The following SETX variants were observed in gnomAD, a reference collection of about 807,000 sequenced individuals.
The protein encoded by SETX is helicase senataxin.
Under a neutral mutation model 227.2 loss-of-function variants are expected in SETX, and 90 were observed. The ratio of observed to expected loss-of-function variants is 0.40; its 90% CI spans 0.33 to 0.47. SETX has a LOEUF of 0.47. Ranked by LOEUF, SETX falls within the 20% of genes least tolerant of loss-of-function variation. The probability of loss-of-function intolerance (pLI) is 0.91; values close to 1 mark genes in which losing one functional copy is unlikely to be tolerated. For synonymous variants in SETX, 1,210 were observed against 1,113.2 expected, an observed-to-expected ratio of 1.09 and a Z score of -1.73; for missense variants, 3,052 against 3,181.5, an observed-to-expected ratio of 0.96 and a Z score of 0.98.
At chr9:132,334,435 T>C in intron 7 of SETX, among the ~76,000 whole-genome samples, 173 bp downstream of exon 7, 1 of 152,110 alleles carries the variant, frequency 6.6e-6, no homozygotes, top group Non-Finnish European at 1.5e-5. Flanking sequence ...GCAACAAGAG[T>C]ATGACTTCGT....
At chr9:132,337,421 G>T (rs1392237722) in intron 5 of SETX, among the ~76,000 whole-genome samples, 1 of 116,922 alleles carries the variant, frequency 8.6e-6, no homozygotes. Flanking sequence ...TAAATTTAGT[G>T]CTCACAACCA....
chr9:132,288,244 C>T lies in SETX; in HGVS notation c.6316G>A (p.Glu2106Lys), dbSNP rs774547328. 1 of 1,613,768 alleles carries T rather than the reference C, an allele frequency of 6.2e-7. No individual in the cohort carries two copies. Among genetic ancestry groups the T allele is most frequent in the Non-Finnish European group, 8.5e-7 (1 of 1,179,690 alleles). ...AAGAAATGCAAAGATACCTGTATTT[C>T]CCGTCCACCTCGGCATAGAGCTCGC... ...RQRALCRGGR[E>K]IQRQELDENI... Residue 2106 changes from glutamate to lysine, a missense_variant, in exon 17 of 26, where the codon GAA becomes AAA. Transcript: ENST00000224140.
In SETX at chr9:132,261,857, CTTTCT is replaced by C. The variant is rs981763580; in HGVS notation, c.*2377_*2381del. 2.6e-5 allele frequency: 4 copies of C among 154,712 alleles called. No individual in the cohort carries two copies. Among genetic ancestry groups the C allele is most frequent in the African/African-American group, 4.8e-5 (2 of 41,648 alleles). The allele number at this position is 154,712 out of a possible 1,614,324, so 9.6% of individuals were successfully genotyped here. On this transcript the variant is annotated 3_prime_UTR_variant, in exon 26 of 26. Transcript: ENST00000224140. ...ACTAATATTGAAAGAAGACAGGGAACTTTCTTTTAATGCCATGGCAAAGACGAAGC... is the reference window on the plus strand; with the variant it reads ...ACTAATATTGAAAGAAGACAGGGAACTTTAATGCCATGGCAAAGACGAAGC...
intron 10 of SETX, among the ~76,000 whole-genome samples, chr9:132,324,339 T>C (rs1490815436): frequency 6.6e-6 from 1 of 152,186 alleles, no homozygotes; most frequent in Non-Finnish European, 1.5e-5. Flanking sequence ...TAAAGTACAT[T>C]GATGAAGATA....
In SETX at chr9:132,329,225, T is replaced by C; in HGVS notation, c.2373A>G (p.Leu791=). 1 of 1,613,970 alleles carries C rather than the reference T, an allele frequency of 6.2e-7. No individual in the cohort carries two copies. Among genetic ancestry groups the C allele is most frequent in the African/African-American group, 1.3e-5 (1 of 75,060 alleles). The change falls in exon 10 of 26, where the codon TTA becomes TTG. Residue 791 remains leucine, a synonymous_variant. Coordinates refer to ENST00000224140, the MANE Select transcript of SETX (RefSeq NM_015046.7). ...TGTGTTGCTTCTTTATTACATGTGA[T>C]AACTTTGCACAGATTTCATCTTTCT... ...KVQKDEICAK[L]SHVIKKQHRK...
chr9:132,300,044 C>T (rs547032308), intron 12 of SETX, among the ~76,000 whole-genome samples: 37 of 146,376 alleles, frequency 2.5e-4, no homozygotes, highest in African/African-American at 8.9e-4. Context: ...GCAGGAGAAT[C>T]GCTTGAACCC....
chr9:132,279,626 G>C (rs1843381242), intron 20 of SETX, among the ~76,000 whole-genome samples: 2 of 152,250 alleles, frequency 1.3e-5, no homozygotes, highest in South Asian at 2.1e-4. Flanking sequence ...ATTTTAAACA[G>C]GTTTGTGAAA....
intron 5 of SETX, among the ~76,000 whole-genome samples, chr9:132,336,796 G>A (rs1847651726): frequency 6.6e-6 from 1 of 152,192 alleles, no homozygotes; most frequent in Non-Finnish European, 1.5e-5. Flanking sequence ...GGGTGCAGTG[G>A]CTCACACCTG....
chr9:132,330,387 T>C lies in SETX; in HGVS notation c.1211A>G (p.His404Arg). Residue 404 changes from histidine (H) to arginine (R), a missense_variant, in exon 10 of 26, where the codon CAT becomes CGT. Transcript: ENST00000224140. ...QSDIGQDMRV[H>R]NSTFLWFIPF... ...GATGAACCATAGAAATGTGCTGTTA[T>C]GAACACGCATGTCTTGACCAATATC... 1 of 1,614,202 alleles carries C rather than the reference T, an allele frequency of 6.2e-7. No individual in the cohort carries two copies. The highest frequency in any genetic ancestry group is 8.5e-7 in the Non-Finnish European group (1 of 1,180,000).
intron 25 of SETX, 121 bp from the exon 26 acceptor site, chr9:132,265,106 G>A: frequency 8.5e-7 from 1 of 1,171,742 alleles, no homozygotes; most frequent in South Asian, 1.3e-5. Flanking sequence ...ATATTCTCAA[G>A]ATTCATTACT....
intron 23 of SETX, among the ~76,000 whole-genome samples, chr9:132,273,697 G>C (rs1476986128): frequency 6.6e-6 from 1 of 152,004 alleles, no homozygotes; most frequent in Non-Finnish European, 1.5e-5. Flanking sequence ...TAGTGCCTTT[G>C]AATGGCTTTG....
intron 12 of SETX, 25 bp downstream of exon 12, chr9:132,300,605 T>G: frequency 3.7e-6 from 6 of 1,610,398 alleles, no homozygotes; most frequent in Admixed American, 1.7e-5. Flanking sequence ...TGACATTTCC[T>G]GTCAATGCCT....
intron 5 of SETX, among the ~76,000 whole-genome samples, chr9:132,339,188 A>G (rs543203098): frequency 2.4e-4 from 37 of 152,306 alleles, no homozygotes; most frequent in African/African-American, 8.7e-4. Flanking sequence ...TCGTTTCTAT[A>G]AAACCCTTCC....
Position 132,283,296 on chromosome 9 carries a change from C to A in SETX, c.6514G>T (p.Gly2172Cys). The change falls in exon 19 of 26, where the codon GGT (glycine) becomes TGT (cysteine). Residue 2172 changes from glycine to cysteine, a missense_variant. By Grantham distance (159) the Gly-to-Cys change is radical. This residue lies in a region of SETX where 412 missense variants were observed against 589.0 expected (regional missense o/e 0.70). Transcript: ENST00000224140. ...ACAATGACACAGCTGAAGGGGACAC[C>A]CCCTTGCCCACGGAAAGCAGACTCA... ...LLESAFRGQG[G>C]VPFSCVIVDE... is the part of the protein sequence containing the mutation. 1 of 1,614,146 alleles carries A rather than the reference C, an allele frequency of 6.2e-7. No individual in the cohort carries two copies. Among genetic ancestry groups the A allele is most frequent in the Non-Finnish European group, 8.5e-7 (1 of 1,180,012 alleles).
In SETX at chr9:132,334,756, T is replaced by C. The variant is rs547157917; in HGVS notation, c.719-29A>G. 6 of 1,612,392 alleles carry C rather than the reference T, an allele frequency of 3.7e-6. No homozygotes were observed. In the Admixed American group the frequency reaches 6.7e-5, roughly 18 times the overall value. ...TAAGATCATTTAGAGTTATCTTGAA[T>C]TGATGAAATAATACTATACTAATGC... On this transcript the variant is annotated intron_variant, in intron 6 of 25. Coordinates refer to ENST00000224140, the MANE Select transcript of SETX (RefSeq NM_015046.7).
rs1274700568 is a variant in SETX at position 132,261,375 on chromosome 9, T to G, written c.*2864A>C. On this transcript the variant is annotated 3_prime_UTR_variant, in exon 26 of 26. Transcript: ENST00000224140. The stretch of plus-strand genomic sequence containing the variant: ...CCGGGCTGGATAATGAAACTTTTTA[T>G]ATCTGAATTGCACAAATCCCCACCA... 2 of 152,248 alleles carry G rather than the reference T, an allele frequency of 1.3e-5. No homozygotes were observed. The highest frequency in any genetic ancestry group is 1.3e-4 in the Admixed American group (2 of 15,290). 9.4% of individuals were successfully genotyped at this position (152,248 alleles called of 1,614,324 possible). A position where few individuals can be genotyped will look rare whatever the true frequency, so the allele number is the denominator to read the frequency against.
chr9:132,275,173 G>A, intron 23 of SETX, 83 bp downstream of exon 23: 1 of 1,464,600 alleles, frequency 6.8e-7, no homozygotes, highest in Non-Finnish European at 9.5e-7. Flanking sequence ...CACTCCTTAA[G>A]AGTTTCCCTT....
chr9:132,307,372 C>A (rs1845395646), intron 11 of SETX, among the ~76,000 whole-genome samples: 1 of 151,376 alleles, frequency 6.6e-6, no homozygotes, highest in African/African-American at 2.4e-5. Context: ...GCATGGTTAT[C>A]TTTTACTTAC....
At chr9:132,345,753 G>A (rs914333979) in intron 4 of SETX, among the ~76,000 whole-genome samples, 5 of 151,718 alleles carry the variant, frequency 3.3e-5, no homozygotes, top group African/African-American at 4.8e-5. Flanking sequence ...ATAGTGGCTC[G>A]TGCCTATAAT....
Sources: allele counts gnomAD v4.1 joint callset (sites outside exome capture counted in the v4.1 genomes callset), GRCh38; gene constraint gnomAD v4.1.1; regional missense constraint gnomAD v4.1.1; transcripts MANE v1.5; gene names NCBI Gene and HGNC (gene_info 2026-07-23, HGNC 2026-07-21).